IFNG-AS1: variants seen among roughly 807,000 people sequenced by gnomAD.
IFNG-AS1 encodes IFNG regulatory antisense RNA 1.
At chr12:67,990,049 G>A (rs10878722) in intron 1 of IFNG-AS1, among the ~76,000 whole-genome samples, 50,466 of 152,000 alleles carry the variant, frequency 0.33, 9,721 homozygotes, top group East Asian at 0.71. Context: ...GTTCAAGGTG[G>A]TGAGTGCCAT....
chr12:67,999,636 A>G (rs78016352), intron 2 of IFNG-AS1, among the ~76,000 whole-genome samples: 1 of 152,234 alleles, frequency 6.6e-6, no homozygotes, highest in East Asian at 1.9e-4. Flanking sequence ...ATATACTTCA[A>G]TAATGAAATA....
intron 2 of IFNG-AS1, among the ~76,000 whole-genome samples, chr12:67,997,796 T>C (rs1425440891): frequency 2.0e-5 from 3 of 151,394 alleles, no homozygotes; most frequent in South Asian, 4.2e-4. Context: ...ACTCCTAAAA[T>C]TGAAAGAGAA....
chr12:67,997,580 T>C (rs1018398705), intron 2 of IFNG-AS1, among the ~76,000 whole-genome samples: 3 of 151,656 alleles, frequency 2.0e-5, no homozygotes, highest in African/African-American at 7.3e-5. Context: ...CTATTTAACG[T>C]TGGTATAGGG....
At chr12:67,997,141 G>C (rs944210652) in intron 2 of IFNG-AS1, among the ~76,000 whole-genome samples, 27 of 152,132 alleles carry the variant, frequency 1.8e-4, no homozygotes, top group African/African-American at 6.3e-4. Flanking sequence ...TGCAAAAACT[G>C]TATGAGGAAA....
chr12:68,020,520 T>A (rs1427856959), intron 4 of IFNG-AS1: 2 of 152,164 alleles, frequency 1.3e-5, no homozygotes, highest in African/African-American at 4.8e-5. Flanking sequence ...TGGAAATAAA[T>A]GTTTACAACC....
chr12:68,013,200 T>C (rs560478358), intron 3 of IFNG-AS1, among the ~76,000 whole-genome samples: 5 of 152,224 alleles, frequency 3.3e-5, no homozygotes, highest in Non-Finnish European at 7.3e-5. Flanking sequence ...TAGGCAAACA[T>C]TTCTGTGCAA....
chr12:68,011,213 G>A (rs1443753954), intron 3 of IFNG-AS1, among the ~76,000 whole-genome samples: 1 of 152,176 alleles, frequency 6.6e-6, no homozygotes, highest in Non-Finnish European at 1.5e-5. Context: ...TCTCTGTTTA[G>A]CAGCACTTGT....
At chr12:68,008,675 G>C (rs1879960678) in intron 3 of IFNG-AS1, among the ~76,000 whole-genome samples, 1 of 152,142 alleles carries the variant, frequency 6.6e-6, no homozygotes, top group South Asian at 2.1e-4. Context: ...ATTTCCATCA[G>C]TGGCTCTCCC....
intron 4 of IFNG-AS1, chr12:68,020,684 GCTCTTCACCAAGAAGA>G (rs1880265599): frequency 6.6e-6 from 1 of 152,110 alleles, no homozygotes; most frequent in Non-Finnish European, 1.5e-5. Context: ...AAATTCCTTT[GCTCTTCACCAAGAAGA>G]GCCAACAGAG....
chr12:68,000,974 T>C (rs948113710), intron 2 of IFNG-AS1, among the ~76,000 whole-genome samples: 1 of 152,184 alleles, frequency 6.6e-6, no homozygotes, highest in Non-Finnish European at 1.5e-5. Context: ...AGCCTAGGTA[T>C]AAAGGCCTGG....
At chr12:68,009,490 C>T (rs114596458) in intron 3 of IFNG-AS1, among the ~76,000 whole-genome samples, 6 of 152,180 alleles carry the variant, frequency 3.9e-5, no homozygotes, top group Non-Finnish European at 7.4e-5. Flanking sequence ...TACAGGCGCC[C>T]GCCACCACGC....
At chr12:68,009,418 C>G (rs931305536) in intron 3 of IFNG-AS1, among the ~76,000 whole-genome samples, 42 of 152,190 alleles carry the variant, frequency 2.8e-4, no homozygotes, top group African/African-American at 9.2e-4. Flanking sequence ...TCTTGGCTCA[C>G]TGCAACTTCT....
At chr12:67,992,680 A>G (rs1284998609) in intron 1 of IFNG-AS1, among the ~76,000 whole-genome samples, 3 of 152,360 alleles carry the variant, frequency 2.0e-5, no homozygotes, top group East Asian at 3.9e-4. Context: ...CTCTTGCTGC[A>G]TAGCCCAGTC....
At chr12:67,992,084 G>A (rs1228853592) in intron 1 of IFNG-AS1, among the ~76,000 whole-genome samples, 1 of 151,994 alleles carries the variant, frequency 6.6e-6, no homozygotes. Context: ...CTGTATCCAG[G>A]AGTAAACACA....
intron 1 of IFNG-AS1, among the ~76,000 whole-genome samples, chr12:67,995,653 C>T (rs1263692984): frequency 1.4e-4 from 20 of 147,572 alleles, no homozygotes; most frequent in African/African-American, 4.0e-4. Flanking sequence ...ACCTGGGAGG[C>T]AGAGGTTGCA....
At chr12:67,991,537 C>G (rs562231002) in intron 1 of IFNG-AS1, among the ~76,000 whole-genome samples, 1 of 152,184 alleles carries the variant, frequency 6.6e-6, no homozygotes, top group African/African-American at 2.4e-5. Flanking sequence ...TTCTTGCCAC[C>G]TTAATGAATG....
At chr12:68,015,914 C>A (rs951114961) in intron 3 of IFNG-AS1, among the ~76,000 whole-genome samples, 1 of 149,342 alleles carries the variant, frequency 6.7e-6, no homozygotes, top group African/African-American at 2.5e-5. Context: ...CGGTTTAGTG[C>A]CTCCATTTTC....
At chr12:68,010,559 C>T (rs1455534410) in intron 3 of IFNG-AS1, among the ~76,000 whole-genome samples, 1 of 152,206 alleles carries the variant, frequency 6.6e-6, no homozygotes, top group African/African-American at 2.4e-5. Context: ...TGCTGCCTTC[C>T]ATCTGACTTT....
chr12:67,999,631 C>A (rs1380806941), intron 2 of IFNG-AS1, among the ~76,000 whole-genome samples: 3 of 152,120 alleles, frequency 2.0e-5, no homozygotes, highest in Non-Finnish European at 4.4e-5. Context: ...TACTGATATA[C>A]TTCAATAATG....
Sources: gnomAD v4.1 joint callset for allele counts (sites outside exome capture counted in the v4.1 genomes callset) on GRCh38, gnomAD v4.1.1 for gene constraint, MANE v1.5 for transcripts, NCBI Gene and HGNC (gene_info 2026-07-23, HGNC 2026-07-21) for gene names.